BCAS3: variants seen among roughly 807,000 people sequenced by gnomAD.
BCAS3 encodes BCAS3 microtubule associated cell migration factor.
In BCAS3, 53 loss-of-function variants were observed where a neutral mutation model predicts 116.1. The observed-to-expected ratio is 0.46, with a 90% CI of 0.37 to 0.57. The LOEUF (loss-of-function observed/expected upper bound fraction) is 0.57, where lower values mean the gene tolerates loss of function less well. Among genes scored for constraint, BCAS3 ranks in the 20% least tolerant of loss-of-function variants. The probability of loss-of-function intolerance (pLI) is 0.00; values close to 1 mark genes in which losing one functional copy is unlikely to be tolerated. For synonymous variants in BCAS3, 391 were observed against 408.2 expected, an observed-to-expected ratio of 0.96 and a Z score of 0.51; for missense variants, 917 against 1,165.4, an observed-to-expected ratio of 0.79 and a Z score of 3.10.
intron 4 of BCAS3, among the ~76,000 whole-genome samples, chr17:60,694,421 A>G (rs192039407): frequency 8.3e-4 from 126 of 152,138 alleles, no homozygotes; most frequent in African/African-American, 2.9e-3. Flanking sequence ...GAATTGCTTG[A>G]ACACAGGAGG....
rs2049061041 is a variant in BCAS3 at position 61,259,988 on chromosome 17, A to G, written c.2426-108339A>G. Among the ~76,000 whole-genome samples, 2 of 152,216 alleles carry G rather than the reference A, an allele frequency of 1.3e-5. No homozygotes were observed. On this transcript the variant is annotated intron_variant, in intron 22 of 23. Transcript: ENST00000407086. The surrounding 1 kb of genome is among the most constrained non-coding windows in gnomAD (Gnocchi z 4.7). ...TACAGGCTGCCTAACATAGTTTTTT[A>G]TTAATCCTCACAACAGTCCTTTAAG...
rs1164665388 is a variant in BCAS3, at chr17:61,259,944, C to T, written c.2426-108383C>T. Among the ~76,000 whole-genome samples, 1 of 152,154 alleles carries T rather than the reference C, an allele frequency of 6.6e-6. No individual in the cohort carries two copies. Reference sequence around the variant, plus strand: ...CTAATAGCCACTATTTATTGAATTGCTGTGTGAGGTAGGCGTTGTACAGGC... The same window carrying T: ...CTAATAGCCACTATTTATTGAATTGTTGTGTGAGGTAGGCGTTGTACAGGC... On this transcript the variant is annotated intron_variant, in intron 22 of 23. Transcript: ENST00000407086. The surrounding 1 kb of genome is among the most constrained non-coding windows in gnomAD (Gnocchi z 4.7).
At position 61,095,638 on chromosome 17, in the gene BCAS3, T is replaced by G. The variant is rs528781685; in HGVS notation, c.2425+11074T>G. On this transcript the variant is annotated intron_variant, in intron 22 of 23. Coordinates refer to ENST00000407086, the MANE Select transcript of BCAS3 (RefSeq NM_017679.5). This position sits in a 1 kb window ranked among gnomAD's most constrained non-coding sequence, Gnocchi z 4.7. The stretch of plus-strand genomic sequence containing the variant: ...TGCACCACCATGCCCGGCTAATTTT[T>G]GTATTTTTAGTAGAGACAAGGTTTC... Among the ~76,000 whole-genome samples the G allele has an allele frequency of 3.9e-5, 6 of 152,194 alleles. No homozygotes were observed. In the South Asian group the frequency reaches 1.2e-3, roughly 32 times the overall value.
In BCAS3 at chr17:61,279,138, G is replaced by C. The variant is rs547966213; in HGVS notation, c.2426-89189G>C. ...ATTTTTGTATCTTTAGTAGAGACGG[G>C]GTTTTACTGTGTTGGCCAGGCTGGT... On this transcript the variant is annotated intron_variant, in intron 22 of 23. Coordinates refer to ENST00000407086, the MANE Select transcript of BCAS3 (RefSeq NM_017679.5). This position sits in a 1 kb window ranked among gnomAD's most constrained non-coding sequence, Gnocchi z 4.4. Among the ~76,000 whole-genome samples the C allele has an allele frequency of 6.6e-6, 1 of 151,628 alleles. No homozygotes were observed. The highest frequency in any genetic ancestry group is 6.6e-5 in the Admixed American group (1 of 15,228).
At chr17:60,992,968 A>G (rs568549927) in intron 15 of BCAS3, among the ~76,000 whole-genome samples, 1 of 152,320 alleles carries the variant, frequency 6.6e-6, no homozygotes, top group East Asian at 1.9e-4. Flanking sequence ...GGTCAATAAG[A>G]GAAACCACAG....
At chr17:61,025,780 G>A (rs12051628) in intron 16 of BCAS3, among the ~76,000 whole-genome samples, 15,384 of 151,690 alleles carry the variant, frequency 0.1, 2,336 homozygotes, top group African/African-American at 0.34. Context: ...GTTATCTCTT[G>A]CGTGTCTCTG....
At position 61,078,402 on chromosome 17, in the gene BCAS3, A is replaced by C; in HGVS notation, c.2200A>C (p.Ile734Leu). Residue 734 changes from isoleucine (I) to leucine (L), a missense_variant, in exon 21 of 24, where the codon ATC becomes CTC. By Grantham distance (5) the Ile-to-Leu change is conservative. Transcript: ENST00000407086. ...WMGPQFQFKT[I>L]HPSGQTTVIS... ...GGGTCCACAGTTCCAGTTCAAAACC[A>C]TCCATCCCTCAGGCCAAACCACAGT... is the stretch of plus-strand genomic sequence containing the variant. 2.5e-6 allele frequency: 4 copies of C among 1,614,140 alleles called. No homozygotes were observed. Among genetic ancestry groups the C allele is most frequent in the Non-Finnish European group, 3.4e-6 (4 of 1,180,012 alleles).
chr17:61,054,529 G>T (rs2069184313), intron 19 of BCAS3, among the ~76,000 whole-genome samples: 4 of 152,106 alleles, frequency 2.6e-5, no homozygotes, highest in Admixed American at 2.6e-4. Context: ...ACCATGCCTG[G>T]CTAGTTTTTG....
chr17:61,371,514 G>T (rs1363882439), intron 23 of BCAS3, among the ~76,000 whole-genome samples: 1 of 152,182 alleles, frequency 6.6e-6, no homozygotes, highest in Admixed American at 6.5e-5. Flanking sequence ...GTATTGTCCA[G>T]CATGGTGACT....
chr17:60,952,157 C>G (rs1440366151), intron 14 of BCAS3, among the ~76,000 whole-genome samples: 4 of 152,034 alleles, frequency 2.6e-5, no homozygotes, highest in Non-Finnish European at 4.4e-5. Context: ...ATTTTTATCC[C>G]TTACTGTATA....
chr17:61,121,641 A>T (rs1333665522), intron 22 of BCAS3, among the ~76,000 whole-genome samples: 1 of 152,212 alleles, frequency 6.6e-6, no homozygotes, highest in Admixed American at 6.5e-5. Context: ...AAGTGATAGG[A>T]TTATGAACAG....
chr17:61,148,048 T>C (rs1422782728), intron 22 of BCAS3, among the ~76,000 whole-genome samples: 1 of 151,840 alleles, frequency 6.6e-6, no homozygotes, highest in Non-Finnish European at 1.5e-5. Flanking sequence ...CAATACAAGA[T>C]ACAGTATGTG....
At chr17:60,875,972 A>G (rs2055568446) in intron 9 of BCAS3, among the ~76,000 whole-genome samples, 1 of 152,028 alleles carries the variant, frequency 6.6e-6, no homozygotes, top group Admixed American at 6.5e-5. Context: ...TATTGCAGAC[A>G]TTATAGAATT....
In BCAS3 at chr17:60,709,203, C is replaced by A; in HGVS notation, c.215-16C>A. 1 of 1,330,180 alleles carries A rather than the reference C, an allele frequency of 7.5e-7. No individual in the cohort carries two copies. The highest frequency in any genetic ancestry group is 1.4e-5 in the African/African-American group (1 of 70,736). The allele number at this position is 1,330,180 out of a possible 1,614,324, so 82.4% of individuals were successfully genotyped here. A position where few individuals can be genotyped will look rare whatever the true frequency, so the allele number is the denominator to read the frequency against. ...GTCTTTTAAATTTGCTTCTTTGTTA[C>A]TTAATTCTAATGCAGATACATCAAG... On this transcript the variant is annotated splice_polypyrimidine_tract_variant and intron_variant, in intron 4 of 23. Coordinates refer to ENST00000407086, the MANE Select transcript of BCAS3 (RefSeq NM_017679.5).
intron 9 of BCAS3, among the ~76,000 whole-genome samples, chr17:60,881,410 G>C (rs910875210): frequency 6.6e-6 from 1 of 151,686 alleles, no homozygotes; most frequent in Non-Finnish European, 1.5e-5. Flanking sequence ...AAAATTTACA[G>C]TATTTCATTC....
intron 5 of BCAS3, chr17:60,720,500 CCTAAAATA>C (rs2039118645): frequency 6.6e-6 from 1 of 152,056 alleles, no homozygotes; most frequent in Admixed American, 6.6e-5. Context: ...TATTACATCA[CCTAAAATA>C]TGGCAGTTGT....
rs1002003430 is a variant in BCAS3 at position 61,235,863 on chromosome 17, A to G, written c.2426-132464A>G. Among the ~76,000 whole-genome samples, 2 of 152,214 alleles carry G rather than the reference A, an allele frequency of 1.3e-5. No individual in the cohort carries two copies. Among genetic ancestry groups the G allele is most frequent in the Non-Finnish European group, 2.9e-5 (2 of 68,044 alleles). On this transcript the variant is annotated intron_variant, in intron 22 of 23. Coordinates refer to ENST00000407086, the MANE Select transcript of BCAS3 (RefSeq NM_017679.5). This position sits in a 1 kb window ranked among gnomAD's most constrained non-coding sequence, Gnocchi z 5.0. ...CTCCTCTTGTCTAGGAGTTTCTGCTACTGGGAGCCACAGGGTAATCAGCTC... is the reference window on the plus strand; with the variant it reads ...CTCCTCTTGTCTAGGAGTTTCTGCTGCTGGGAGCCACAGGGTAATCAGCTC...
At chr17:61,231,998 A>C (rs2082710692) in intron 22 of BCAS3, among the ~76,000 whole-genome samples, 1 of 151,708 alleles carries the variant, frequency 6.6e-6, no homozygotes, top group African/African-American at 2.4e-5. Flanking sequence ...CAAGGTCAGG[A>C]GTTCAAGACC....
chr17:60,980,766 G>A (rs1324567166), intron 14 of BCAS3, among the ~76,000 whole-genome samples: 2 of 151,700 alleles, frequency 1.3e-5, no homozygotes, highest in Non-Finnish European at 2.9e-5. Flanking sequence ...GAACTTGTGG[G>A]GTCAAGTGAT....
Sources: allele counts gnomAD v4.1 joint callset (sites outside exome capture counted in the v4.1 genomes callset), GRCh38; gene constraint gnomAD v4.1.1; non-coding constraint Gnocchi (gnomAD v3.1); transcripts MANE v1.5; gene names NCBI Gene and HGNC (gene_info 2026-07-23, HGNC 2026-07-21).